ADIPOR2: variants seen among roughly 807,000 people sequenced by gnomAD.
ADIPOR2 encodes adiponectin receptor 2.
In ADIPOR2, 18 loss-of-function variants were observed where a neutral mutation model predicts 40.9. That is an observed-to-expected ratio of 0.44 (90% CI 0.30 to 0.65). ADIPOR2 has a LOEUF of 0.65. ADIPOR2 is among the 30% of genes least tolerant of loss of function. ADIPOR2 has a pLI of 0.09. For synonymous variants in ADIPOR2, 165 were observed against 166.4 expected (o/e 0.99, Z 0.06); for missense variants, 283 against 479.2 (o/e 0.59, Z 3.82).
At chr12:1,750,640 A>G (rs1284368824) in intron 1 of ADIPOR2, among the ~76,000 whole-genome samples, 1 of 152,094 alleles carries the variant, frequency 6.6e-6, no homozygotes, top group Admixed American at 6.6e-5. Flanking sequence ...TTATTTCTAG[A>G]ATTTTTTTTT....
intron 2 of ADIPOR2, among the ~76,000 whole-genome samples, chr12:1,761,175 ATCCATGATT>A (rs1455239828): frequency 1.3e-5 from 2 of 152,198 alleles, no homozygotes; most frequent in Non-Finnish European, 2.9e-5. Flanking sequence ...GTCCAGCAGT[ATCCATGATT>A]TCAGGCATCC....
At chr12:1,756,227 T>G (rs999226180) in intron 2 of ADIPOR2, among the ~76,000 whole-genome samples, 4 of 152,138 alleles carry the variant, frequency 2.6e-5, no homozygotes. Flanking sequence ...CTCGGCTCAC[T>G]GCAACCTCCG....
chr12:1,738,599 C>T (rs1325268275), intron 1 of ADIPOR2, among the ~76,000 whole-genome samples: 1 of 152,108 alleles, frequency 6.6e-6, no homozygotes, highest in East Asian at 1.9e-4. Context: ...ATGAATTCTC[C>T]AGCCAGCAGA....
At chr12:1,743,299 G>A (rs1359345604) in intron 1 of ADIPOR2, among the ~76,000 whole-genome samples, 1 of 47,736 alleles carries the variant, frequency 2.1e-5, no homozygotes, top group South Asian at 8.0e-4. Flanking sequence ...GTAACAGAGC[G>A]AGACGCTGTC....
chr12:1,749,933 C>A (rs1437373326), intron 1 of ADIPOR2, among the ~76,000 whole-genome samples: 1 of 149,328 alleles, frequency 6.7e-6, no homozygotes, highest in Non-Finnish European at 1.5e-5. Flanking sequence ...AACTCCTGGA[C>A]TCAAGCAGTT....
chr12:1,782,264 G>A (rs2154444476), intron 6 of ADIPOR2, among the ~76,000 whole-genome samples: 1 of 152,322 alleles, frequency 6.6e-6, no homozygotes, highest in East Asian at 1.9e-4. Context: ...CATTTTATTT[G>A]TGAGTATGCA....
chr12:1,757,639 A>T, intron 2 of ADIPOR2: 1 of 1,301,920 alleles, frequency 7.7e-7, no homozygotes. Flanking sequence ...GCCCCCAGAG[A>T]TTTTTCTCAC....
At chr12:1,761,601 T>C (rs1371294068) in intron 2 of ADIPOR2, among the ~76,000 whole-genome samples, 2 of 152,236 alleles carry the variant, frequency 1.3e-5, no homozygotes, top group Non-Finnish European at 2.9e-5. Flanking sequence ...TCTTGAGCTT[T>C]TATGAAGAGA....
intron 1 of ADIPOR2, among the ~76,000 whole-genome samples, chr12:1,709,057 C>T (rs1031524697): frequency 6.6e-6 from 1 of 152,136 alleles, no homozygotes; most frequent in African/African-American, 2.4e-5. Context: ...CACTTGATTA[C>T]TGTAGCTTTA....
chr12:1,735,688 A>G lies in ADIPOR2; in HGVS notation c.-86-18570A>G, dbSNP rs555434261. On this transcript the variant is annotated intron_variant, in intron 1 of 7. Coordinates refer to ENST00000357103, the MANE Select transcript of ADIPOR2 (RefSeq NM_024551.3). ...TGTCTTATGCCAGTTTTCAAAGGCA[A>G]TGCTTCCAGTTTTTGCCCATTCAGT... 5.9e-5 allele frequency among the ~76,000 whole-genome samples: 9 copies of G among 152,330 alleles called. No homozygotes were observed. The South Asian group carries it at 6.2e-4, about 11-fold the overall frequency.
At chr12:1,693,046 C>G (rs905936733) in intron 1 of ADIPOR2, among the ~76,000 whole-genome samples, 1 of 151,848 alleles carries the variant, frequency 6.6e-6, no homozygotes, top group African/African-American at 2.4e-5. Flanking sequence ...TCCCAGCTGC[C>G]CGGGAGGCTG....
intron 1 of ADIPOR2, among the ~76,000 whole-genome samples, chr12:1,746,677 C>CT (rs1486543905): frequency 2.0e-5 from 3 of 152,052 alleles, no homozygotes; most frequent in Non-Finnish European, 4.4e-5. Flanking sequence ...TAACTGGAGA[C>CT]TTTAATATGC....
chr12:1,746,901 C>T (rs2094756329), intron 1 of ADIPOR2, among the ~76,000 whole-genome samples: 1 of 151,944 alleles, frequency 6.6e-6, no homozygotes, highest in Non-Finnish European at 1.5e-5. Context: ...TGTTATTGCA[C>T]CCCTGTTGTC....
chr12:1,769,413 A>C (rs946597811), intron 2 of ADIPOR2, among the ~76,000 whole-genome samples: 1 of 152,218 alleles, frequency 6.6e-6, no homozygotes, highest in Non-Finnish European at 1.5e-5. Context: ...GAACACAATA[A>C]ATAGTTAATT....
chr12:1,738,499 C>G (rs1380389119), intron 1 of ADIPOR2, among the ~76,000 whole-genome samples: 1 of 152,078 alleles, frequency 6.6e-6, no homozygotes, highest in Non-Finnish European at 1.5e-5. Context: ...TTTTTCCTTC[C>G]CCAAGGAGTT....
chr12:1,692,858 A>G (rs761388462), intron 1 of ADIPOR2, among the ~76,000 whole-genome samples: 34 of 152,094 alleles, frequency 2.2e-4, no homozygotes, highest in Non-Finnish European at 1.8e-4. Context: ...CTTTTTGTAA[A>G]TAAAGATTTG....
chr12:1,779,826 C>G (rs1862678673), intron 4 of ADIPOR2, among the ~76,000 whole-genome samples: 4 of 152,122 alleles, frequency 2.6e-5, no homozygotes, highest in Non-Finnish European at 5.9e-5. Context: ...CTGTGCCTGC[C>G]TTGTGTTAGG....
intron 2 of ADIPOR2, among the ~76,000 whole-genome samples, chr12:1,755,794 T>G (rs1862112901): frequency 6.6e-6 from 1 of 152,238 alleles, no homozygotes; most frequent in Admixed American, 6.5e-5. Context: ...GGTTTTGAAA[T>G]TAATTGTATT....
intron 4 of ADIPOR2, among the ~76,000 whole-genome samples, chr12:1,779,196 T>C (rs1007879789): frequency 3.3e-5 from 5 of 152,186 alleles, no homozygotes; most frequent in African/African-American, 1.2e-4. Context: ...ACTGAAAACA[T>C]GTTCACATAA....
Sources: allele counts gnomAD v4.1 joint callset (sites outside exome capture counted in the v4.1 genomes callset), GRCh38; gene constraint gnomAD v4.1.1; transcripts MANE v1.5; gene names NCBI Gene and HGNC (gene_info 2026-07-23, HGNC 2026-07-21).